The following N4BP2L2 variants were observed in gnomAD, a reference collection of about 807,000 sequenced individuals.
The protein encoded by N4BP2L2 is NEDD4-binding protein 2-like 2.
A neutral mutation model predicts 56.2 loss-of-function variants in N4BP2L2; 50 were observed. The ratio of observed to expected loss-of-function variants is 0.89; its 90% confidence interval spans 0.71 to 1.13. The LOEUF (loss-of-function observed/expected upper bound fraction) is 1.13, where lower values mean the gene tolerates loss of function less well. Among genes scored for constraint, N4BP2L2 ranks in the 50% most tolerant of loss-of-function variants. N4BP2L2 has a pLI of 0.00. For missense variants in N4BP2L2, 689 were observed against 693.8 expected (o/e 0.99, Z 0.08); for synonymous variants, 203 against 223.6 (o/e 0.91, Z 0.82).
exon 7 of N4BP2L2, chr13:32,442,596 A>T: frequency 6.2e-7 from 1 of 1,613,976 alleles, no homozygotes; most frequent in East Asian, 2.2e-5. Flanking sequence ...AAGAGCACGA[A>T]GTATCAGGAT....
rs547698616 is a variant in N4BP2L2 at position 32,463,127 on chromosome 13, G to T, written c.366-19001C>A. 8.6e-5 allele frequency among the ~76,000 whole-genome samples: 13 copies of T among 151,994 alleles called. No individual in the cohort carries two copies. The South Asian group carries it at 2.7e-3, about 32-fold the overall frequency. On this transcript the variant is annotated intron_variant, in intron 6 of 9. Coordinates refer to the N4BP2L2 transcript ENST00000357505. ...CAAAAAGAGATGGAAGTACAAAAGA[G>T]ACCCAAATGGAAATTCTAGAGTTGG...
At chr13:32,461,583 A>G (rs1335832237) in intron 6 of N4BP2L2, among the ~76,000 whole-genome samples, 1 of 152,206 alleles carries the variant, frequency 6.6e-6, no homozygotes, top group Non-Finnish European at 1.5e-5. Flanking sequence ...ATGAGATATC[A>G]TTCTACCCCA....
chr13:32,518,110 T>C, intron 5 of N4BP2L2, 107 bp from the exon 6 acceptor site: 1 of 1,010,048 alleles, frequency 9.9e-7, no homozygotes, highest in Non-Finnish European at 1.4e-6. Flanking sequence ...ATTTTGTAAA[T>C]AAACAATATA....
intron 6 of N4BP2L2, among the ~76,000 whole-genome samples, chr13:32,452,081 G>A (rs1195858010): frequency 6.9e-6 from 1 of 144,432 alleles, no homozygotes; most frequent in African/African-American, 2.6e-5. Context: ...TTTTTTTTGG[G>A]ATGGAGTTTC....
chr13:32,508,333 G>C (rs1359471982), downstream of N4BP2L2: 2 of 152,156 alleles, frequency 1.3e-5, no homozygotes, highest in Non-Finnish European at 1.5e-5. Context: ...CGGAAGACTT[G>C]ATCATGTTTA....
intron 2 of N4BP2L2, among the ~76,000 whole-genome samples, chr13:32,533,777 A>C (rs1419141718): frequency 2.0e-5 from 3 of 152,080 alleles, no homozygotes; most frequent in African/African-American, 7.2e-5. Flanking sequence ...CTCAACTCTG[A>C]TCTACCAATT....
At chr13:32,493,472 C>T (rs1383395935) in intron 6 of N4BP2L2, among the ~76,000 whole-genome samples, 1 of 152,182 alleles carries the variant, frequency 6.6e-6, no homozygotes, top group Non-Finnish European at 1.5e-5. Flanking sequence ...TAATCATTTG[C>T]CAACATCACC....
chr13:32,465,898 C>T (rs536869443), intron 6 of N4BP2L2, among the ~76,000 whole-genome samples: 14 of 152,106 alleles, frequency 9.2e-5, no homozygotes, highest in Non-Finnish European at 1.8e-4. Flanking sequence ...ATGATCCACC[C>T]GCCTCGGCCT....
intron 3 of N4BP2L2, among the ~76,000 whole-genome samples, chr13:32,525,858 T>C (rs973717107): frequency 1.6e-4 from 24 of 152,108 alleles, no homozygotes; most frequent in Admixed American, 6.6e-4. Context: ...ATCATCACTT[T>C]GCAATTCTGA....
In N4BP2L2 at chr13:32,518,035, G is replaced by C. The variant is rs1312522036; in HGVS notation, c.1551-32C>G. ...AAAAAGAAAAGGATTGTAAATCTTTGTTGCAGAATGTACAGGCTTAGAGAT... is the reference window on the plus strand; with the variant it reads ...AAAAAGAAAAGGATTGTAAATCTTTCTTGCAGAATGTACAGGCTTAGAGAT... On this transcript the variant is annotated intron_variant, in intron 5 of 5. Coordinates refer to ENST00000267068, the Ensembl canonical transcript of N4BP2L2. 7 of 1,601,192 alleles carry C rather than the reference G, an allele frequency of 4.4e-6. No homozygotes were observed. The African/African-American group carries it at 9.4e-5, about 21-fold the overall frequency.
chr13:32,445,023 T>C (rs1458028244), intron 6 of N4BP2L2, among the ~76,000 whole-genome samples: 1 of 152,144 alleles, frequency 6.6e-6, no homozygotes, highest in Non-Finnish European at 1.5e-5. Context: ...CTGAGGTAGG[T>C]GGATCACCTG....
intron 6 of N4BP2L2, among the ~76,000 whole-genome samples, chr13:32,491,996 A>T (rs1213563313): frequency 6.6e-6 from 1 of 152,188 alleles, no homozygotes; most frequent in Non-Finnish European, 1.5e-5. Context: ...TGGAATTTGC[A>T]TACATAGAAA....
chr13:32,475,306 G>A (rs996905971), intron 6 of N4BP2L2, among the ~76,000 whole-genome samples: 23 of 152,184 alleles, frequency 1.5e-4, no homozygotes, highest in African/African-American at 5.3e-4. Context: ...CAGGACATGG[G>A]CACACACGAG....
downstream of N4BP2L2, chr13:32,507,449 G>A (rs1248469384): frequency 1.3e-5 from 2 of 152,152 alleles, no homozygotes; most frequent in East Asian, 3.9e-4. Flanking sequence ...AGATTTTGTG[G>A]ACACAGCTGT....
At chr13:32,517,546 C>T in exon 6 of N4BP2L2, 3 of 1,203,104 alleles carry the variant, frequency 2.5e-6, no homozygotes, top group Non-Finnish European at 3.1e-6. Flanking sequence ...CTAGCTCCTA[C>T]CCACCACTCT....
intron 6 of N4BP2L2, among the ~76,000 whole-genome samples, chr13:32,480,403 TAA>T (rs1028149329): frequency 1.3e-5 from 2 of 152,170 alleles, no homozygotes; most frequent in African/African-American, 2.4e-5. Context: ...TAATATCAGA[TAA>T]AGAGTCCAGA....
At chr13:32,528,141 A>G (rs769352023) in intron 2 of N4BP2L2, among the ~76,000 whole-genome samples, 9 of 152,234 alleles carry the variant, frequency 5.9e-5, no homozygotes, top group Non-Finnish European at 7.3e-5. Flanking sequence ...TCTCAAAATT[A>G]TATCAACTAT....
intron 5 of N4BP2L2, among the ~76,000 whole-genome samples, chr13:32,520,086 A>G (rs2050373885): frequency 6.6e-6 from 1 of 152,286 alleles, no homozygotes; most frequent in African/African-American, 2.4e-5. Flanking sequence ...CAAATCAGAA[A>G]AAGAAAGTAG....
chr13:32,527,599 G>T, intron 2 of N4BP2L2, 67 bp from the exon 3 acceptor site: 1 of 1,510,634 alleles, frequency 6.6e-7, no homozygotes, highest in Non-Finnish European at 8.9e-7. Flanking sequence ...TAAACTATCA[G>T]AAATAAATAT....
Sources: gnomAD v4.1 joint callset for allele counts (sites outside exome capture counted in the v4.1 genomes callset) on GRCh38, gnomAD v4.1.1 for gene constraint, MANE v1.5 for transcripts, NCBI Gene and HGNC (gene_info 2026-07-23, HGNC 2026-07-21) for gene names.